Variants in KANK1 observed in about 807,000 individuals in gnomAD.
KANK1 encodes KN motif and ankyrin repeat domains 1.
Under a neutral mutation model 106.2 loss-of-function variants are expected in KANK1, and 109 were observed. The observed-to-expected ratio is 1.03, with a 90% CI of 0.88 to 1.20. The LOEUF (loss-of-function observed/expected upper bound fraction) is 1.20, where lower values mean the gene tolerates loss of function less well. KANK1 is among the 50% of genes most tolerant of loss of function. The pLI is 0.00. For missense variants in KANK1, 2,399 were observed against 1,710.7 expected, an observed-to-expected ratio of 1.40 and a Z score of -7.10; for synonymous variants, 873 against 652.2, an observed-to-expected ratio of 1.34 and a Z score of -5.16.
At chr9:513,897 G>T (rs1307067993) in intron 1 of KANK1, among the ~76,000 whole-genome samples, 3 of 152,092 alleles carry the variant, frequency 2.0e-5, no homozygotes, top group Admixed American at 2.0e-4. Flanking sequence ...CACACCTGTA[G>T]TCCCAGCTAC....
chr9:612,864 A>G (rs924866705), intron 1 of KANK1, among the ~76,000 whole-genome samples: 2 of 152,194 alleles, frequency 1.3e-5, no homozygotes, highest in Admixed American at 1.3e-4. Context: ...AGAGACCCTA[A>G]GAGTCATATA....
chr9:536,347 A>C (rs1222889971), intron 1 of KANK1, among the ~76,000 whole-genome samples: 1 of 152,164 alleles, frequency 6.6e-6, no homozygotes, highest in Non-Finnish European at 1.5e-5. Context: ...CTGAGAAAAA[A>C]AATACACAAA....
chr9:533,623 C>T (rs1314474327), intron 1 of KANK1, among the ~76,000 whole-genome samples: 1 of 152,018 alleles, frequency 6.6e-6, no homozygotes, highest in African/African-American at 2.4e-5. Context: ...CTGGACTGTC[C>T]CTGGTTTGAA....
intron 1 of KANK1, among the ~76,000 whole-genome samples, chr9:583,000 A>G (rs563656504): frequency 2.0e-5 from 3 of 152,372 alleles, no homozygotes; most frequent in South Asian, 4.1e-4. Context: ...TTTTGATATC[A>G]GAATGACACT....
chr9:608,549 G>A (rs1563852668), intron 1 of KANK1, among the ~76,000 whole-genome samples: 1 of 151,276 alleles, frequency 6.6e-6, no homozygotes, highest in Non-Finnish European at 1.5e-5. Context: ...TTACATGTGG[G>A]AACTGTCAAG....
rs879244966 is a variant in KANK1 at position 712,921 on chromosome 9, G to A, written c.2155G>A (p.Val719Ile). 1.9e-6 allele frequency: 3 copies of A among 1,614,044 alleles called. No individual in the cohort carries two copies. Among genetic ancestry groups the A allele is most frequent in the East Asian group, 2.2e-5 (1 of 44,888 alleles). ...TQTVETRTVAVGEGRVKDINS... is the reference protein window; with the variant it reads ...TQTVETRTVAIGEGRVKDINS... ...GACTGTGGAGACGCGGACAGTAGCT[G>A]TAGGAGAAGGCCGTGTCAAGGACAT... The change falls in exon 3 of 12, where the codon GTA (valine) becomes ATA (isoleucine). Residue 719 changes from valine to isoleucine, a missense_variant. Val to Ile is a conservative substitution (Grantham distance 29, BLOSUM62 3). Coordinates refer to ENST00000382297, the MANE Select transcript of KANK1 (RefSeq NM_015158.5).
At chr9:545,229 T>G (rs2133939309) in intron 1 of KANK1, among the ~76,000 whole-genome samples, 1 of 152,022 alleles carries the variant, frequency 6.6e-6, no homozygotes, top group Non-Finnish European at 1.5e-5. Context: ...TGCCCAGACT[T>G]CTGGGAGGAT....
At chr9:647,155 A>G (rs1435197046) in intron 1 of KANK1, among the ~76,000 whole-genome samples, 1 of 151,014 alleles carries the variant, frequency 6.6e-6, no homozygotes, top group African/African-American at 2.5e-5. Flanking sequence ...ACCAAGTATA[A>G]ATTTGCCATG....
intron 1 of KANK1, among the ~76,000 whole-genome samples, chr9:566,185 A>C (rs944259392): frequency 6.6e-6 from 1 of 152,108 alleles, no homozygotes; most frequent in Admixed American, 6.6e-5. Context: ...AAAGGACATG[A>C]TCTTATTCTT....
At chr9:684,192 C>G in intron 2 of KANK1, 1 of 985,368 alleles carries the variant, frequency 1.0e-6, no homozygotes, top group Non-Finnish European at 1.2e-6. Flanking sequence ...AAGCCTTGAG[C>G]CAGTCATAAT....
chr9:604,914 G>T (rs1048393972), intron 1 of KANK1, among the ~76,000 whole-genome samples: 9 of 151,816 alleles, frequency 5.9e-5, no homozygotes, highest in Non-Finnish European at 1.2e-4. Context: ...TTCATAAATT[G>T]CTCAGTCTCA....
chr9:534,698 G>C (rs947421081), intron 1 of KANK1, among the ~76,000 whole-genome samples: 16 of 152,232 alleles, frequency 1.1e-4, no homozygotes, highest in Admixed American at 1.3e-4. Context: ...GGGTACAGAT[G>C]TAAAGAGACA....
chr9:522,409 G>C (rs148832581), intron 1 of KANK1, among the ~76,000 whole-genome samples: 3 of 151,672 alleles, frequency 2.0e-5, no homozygotes, highest in Admixed American at 6.6e-5. Context: ...CACTCCTAAC[G>C]CTCCTTTCTG....
intron 1 of KANK1, among the ~76,000 whole-genome samples, chr9:515,180 A>G (rs1172537339): frequency 6.6e-6 from 1 of 151,326 alleles, no homozygotes; most frequent in East Asian, 1.9e-4. Flanking sequence ...TATCTCTACT[A>G]AAAAAATACA....
chr9:488,859 A>G (rs756118416), intron 3 of KANK1: 11 of 152,138 alleles, frequency 7.2e-5, no homozygotes, highest in Non-Finnish European at 1.6e-4. Flanking sequence ...ATAATGGAAT[A>G]TTAGGGGCAT....
intron 1 of KANK1, among the ~76,000 whole-genome samples, chr9:523,621 C>A (rs1268771946): frequency 6.6e-6 from 1 of 151,736 alleles, no homozygotes; most frequent in Non-Finnish European, 1.5e-5. Flanking sequence ...TGCTCGCCCC[C>A]ACCTCTGCTC....
At chr9:660,804 A>G (rs866329257) in intron 1 of KANK1, among the ~76,000 whole-genome samples, 1 of 152,210 alleles carries the variant, frequency 6.6e-6, no homozygotes, top group Non-Finnish European at 1.5e-5. Context: ...CCTGGTGTCT[A>G]TAACCTGACC....
At chr9:627,015 A>G (rs75105961) in intron 1 of KANK1, among the ~76,000 whole-genome samples, 3,381 of 152,050 alleles carry the variant, frequency 0.022, 123 homozygotes, top group African/African-American at 0.077. Flanking sequence ...TTTCATATTT[A>G]TTTGATTTGC....
chr9:483,078 G>A (rs553582147), intron 3 of KANK1, among the ~76,000 whole-genome samples: 1 of 152,158 alleles, frequency 6.6e-6, no homozygotes, highest in Middle Eastern at 3.4e-3. Context: ...GGCCCAAAGA[G>A]TAATGAGGTC....
Sources: gnomAD v4.1 joint callset for allele counts (sites outside exome capture counted in the v4.1 genomes callset) on GRCh38, gnomAD v4.1.1 for gene constraint, MANE v1.5 for transcripts, NCBI Gene and HGNC (gene_info 2026-07-23, HGNC 2026-07-21) for gene names.